The following TOM1L2 variants were observed in gnomAD, a reference collection of about 807,000 sequenced individuals.
TOM1L2 encodes target of myb1 like 2 membrane trafficking protein.
In TOM1L2, 31 loss-of-function variants were observed where a neutral mutation model predicts 67.9. The observed-to-expected ratio is 0.46, with a 90% CI of 0.34 to 0.62. The LOEUF is 0.62. Among genes scored for constraint, TOM1L2 ranks in the 20% least tolerant of loss-of-function variants. The pLI is 0.01. For missense variants in TOM1L2, 606 were observed against 663.5 expected (o/e 0.91, Z 0.95); for synonymous variants, 256 against 254.0 (o/e 1.01, Z -0.07).
At chr17:17,938,769 T>TG (rs1287073816) in intron 1 of TOM1L2, among the ~76,000 whole-genome samples, 1 of 151,398 alleles carries the variant, frequency 6.6e-6, no homozygotes, top group African/African-American at 2.4e-5. Flanking sequence ...TGAAAGGGTT[T>TG]TTTTTTTTTT....
intron 1 of TOM1L2, among the ~76,000 whole-genome samples, chr17:17,928,291 C>T (rs551300504): frequency 2.8e-4 from 43 of 152,320 alleles, no homozygotes; most frequent in Admixed American, 2.6e-3. Context: ...AACACTGCTG[C>T]TCCCAACAAA....
chr17:17,898,496 G>T, intron 3 of TOM1L2, 100 bp downstream of exon 3: 1 of 1,234,862 alleles, frequency 8.1e-7, no homozygotes, highest in South Asian at 1.2e-5. Context: ...CCATTCAGAG[G>T]TTGTGCTAAG....
At chr17:17,962,067 CA>C (rs1295775177) in intron 1 of TOM1L2, among the ~76,000 whole-genome samples, 1 of 152,014 alleles carries the variant, frequency 6.6e-6, no homozygotes, top group Non-Finnish European at 1.5e-5. Context: ...TGACATGCTC[CA>C]ATAGAGATGA....
At chr17:17,949,144 G>A (rs1036934845) in intron 1 of TOM1L2, among the ~76,000 whole-genome samples, 9 of 152,146 alleles carry the variant, frequency 5.9e-5, no homozygotes, top group African/African-American at 2.2e-4. Flanking sequence ...TTCTCACACA[G>A]GAGCCTTTTA....
chr17:17,898,630 T>A lies in TOM1L2; in HGVS notation c.182A>T (p.Asn61Ile). 6.2e-7 allele frequency: 1 copy of A among 1,614,218 alleles called. No individual in the cohort carries two copies. The highest frequency in any genetic ancestry group is 8.5e-7 in the Non-Finnish European group (1 of 1,180,034). The change falls in exon 3 of 15, where the codon AAC (asparagine) becomes ATC (isoleucine). Residue 61 changes from asparagine to isoleucine, a missense_variant. This residue lies in a region of TOM1L2 where 63 missense variants were observed against 109.5 expected (regional missense o/e 0.58). Coordinates refer to ENST00000379504, the MANE Select transcript of TOM1L2 (RefSeq NM_001082968.2). The part of the protein sequence containing the change: ...IRALKKRLNG[N>I]RNYREVMLAL... ...CAGCATCACCTCTCTGTAGTTCCGG[T>A]TCCCGTTGAGCCGCTTCTTCAGGGC...
chr17:17,902,775 A>G lies in TOM1L2; in HGVS notation c.138-4101T>C, dbSNP rs576910448. Among the ~76,000 whole-genome samples, 364 of 152,366 alleles carry G rather than the reference A, an allele frequency of 2.4e-3. 2 individuals carry two copies. The highest frequency in any genetic ancestry group is 2.3e-3 in the Non-Finnish European group (154 of 68,032). On this transcript the variant is annotated intron_variant, in intron 2 of 14. Transcript: ENST00000379504. ...GGGCAATGGAAATCTTTAAAGTGAA[A>G]TAGTACATCCACATAGATATAGTAT... is the stretch of plus-strand genomic sequence containing the variant.
chr17:17,957,636 G>C (rs990859736), intron 1 of TOM1L2, among the ~76,000 whole-genome samples: 1 of 150,386 alleles, frequency 6.6e-6, no homozygotes, highest in Non-Finnish European at 1.5e-5. Flanking sequence ...TATATATAAA[G>C]TATAACATAT....
intron 1 of TOM1L2, among the ~76,000 whole-genome samples, chr17:17,963,940 A>G (rs2041789209): frequency 6.6e-6 from 1 of 152,220 alleles, no homozygotes; most frequent in South Asian, 2.1e-4. Context: ...GAGGACAAGT[A>G]ATATTTTCTG....
At chr17:17,938,903 T>C (rs2040617991) in intron 1 of TOM1L2, among the ~76,000 whole-genome samples, 1 of 152,068 alleles carries the variant, frequency 6.6e-6, no homozygotes, top group Admixed American at 6.6e-5. Flanking sequence ...TCACTTTCTA[T>C]ACACTGGGGT....
chr17:17,862,429 T>TGCAGCA (rs770131170), intron 11 of TOM1L2: 1 of 261,262 alleles, frequency 3.8e-6, no homozygotes, highest in Non-Finnish European at 7.2e-6. Context: ...GGGTGGTGTC[T>TGCAGCA]GCAGCAGCAG....
intron 1 of TOM1L2, among the ~76,000 whole-genome samples, chr17:17,926,863 A>G (rs1226022224): frequency 6.6e-6 from 1 of 152,206 alleles, no homozygotes; most frequent in Non-Finnish European, 1.5e-5. Context: ...GTCTCAAAAA[A>G]AAGGAAGAAA....
At position 17,866,426 on chromosome 17, in the gene TOM1L2, G is replaced by C; in HGVS notation, c.961-7C>G. ...CGGTTACTTCATTCAGTACCTGTCAGAACATGAGATTGGCCATAAGCCCCA... is the reference window on the plus strand; with the variant it reads ...CGGTTACTTCATTCAGTACCTGTCACAACATGAGATTGGCCATAAGCCCCA... On this transcript the variant is annotated splice_polypyrimidine_tract_variant and splice_region_variant and intron_variant, in intron 9 of 14. Transcript: ENST00000379504. 1 of 1,589,204 alleles carries C rather than the reference G, an allele frequency of 6.3e-7. No individual in the cohort carries two copies. Among genetic ancestry groups the C allele is most frequent in the Non-Finnish European group, 8.6e-7 (1 of 1,165,732 alleles).
At chr17:17,950,159 C>A (rs952232289) in intron 1 of TOM1L2, among the ~76,000 whole-genome samples, 5 of 151,662 alleles carry the variant, frequency 3.3e-5, no homozygotes, top group Admixed American at 3.3e-4. Context: ...CCACACCAGG[C>A]CTATTTTTAT....
intron 1 of TOM1L2, among the ~76,000 whole-genome samples, chr17:17,921,833 C>T (rs914437102): frequency 7.2e-5 from 11 of 152,148 alleles, no homozygotes; most frequent in Non-Finnish European, 2.9e-5. Flanking sequence ...TTTCTTCTTC[C>T]CCAGAGCGCC....
chr17:17,961,315 T>G (rs1394534799), intron 1 of TOM1L2, among the ~76,000 whole-genome samples: 1 of 152,162 alleles, frequency 6.6e-6, no homozygotes, highest in Non-Finnish European at 1.5e-5. Flanking sequence ...CCCAACACTT[T>G]GGGAGGCCAA....
At position 17,850,746 on chromosome 17, in the gene TOM1L2, G is replaced by C. The variant is rs1237274019; in HGVS notation, c.1338+147C>G. Reference sequence around the variant, plus strand: ...AGCTATGGGCTGATGTCGGGGAGGAGGGGCAGCTATGGAGCTTGCCCAGAC... The same window carrying C: ...AGCTATGGGCTGATGTCGGGGAGGACGGGCAGCTATGGAGCTTGCCCAGAC... On this transcript the variant is annotated intron_variant, in intron 13 of 14. Transcript: ENST00000379504. 5.6e-5 allele frequency: 45 copies of C among 809,254 alleles called. No individual in the cohort carries two copies. The East Asian group carries it at 1.1e-3, about 20-fold the overall frequency. The allele number at this position is 809,254 out of a possible 1,614,324, so 50.1% of individuals were successfully genotyped here.
chr17:17,955,598 C>A (rs2041404967), intron 1 of TOM1L2, among the ~76,000 whole-genome samples: 1 of 152,182 alleles, frequency 6.6e-6, no homozygotes, highest in South Asian at 2.1e-4. Context: ...CTCGGACTCC[C>A]AAAGTGCTGG....
intron 1 of TOM1L2, among the ~76,000 whole-genome samples, chr17:17,940,219 GGAA>G (rs2040677891): frequency 1.6e-5 from 2 of 128,972 alleles, no homozygotes; most frequent in Admixed American, 7.4e-5. Flanking sequence ...AAAAAAAAAA[GGAA>G]GAAGAGTTCT....
intron 1 of TOM1L2, among the ~76,000 whole-genome samples, chr17:17,932,107 CTA>C (rs2040359627): frequency 6.6e-6 from 1 of 152,110 alleles, no homozygotes; most frequent in East Asian, 1.9e-4. Context: ...TACTTACCAG[CTA>C]TATGTCTTCC....
Sources: allele counts gnomAD v4.1 joint callset (sites outside exome capture counted in the v4.1 genomes callset), GRCh38; gene constraint gnomAD v4.1.1; regional missense constraint gnomAD v4.1.1; transcripts MANE v1.5; gene names NCBI Gene and HGNC (gene_info 2026-07-23, HGNC 2026-07-21).